The following NDUFA10 variants were observed in gnomAD, a reference collection of about 807,000 sequenced individuals.
The protein encoded by NDUFA10 is NADH dehydrogenase [ubiquinone] 1 alpha subcomplex subunit 10, mitochondrial.
Under a neutral mutation model 47.8 loss-of-function variants are expected in NDUFA10, and 40 were observed. The ratio of observed to expected loss-of-function variants is 0.84; its 90% confidence interval spans 0.65 to 1.09. NDUFA10 has a LOEUF of 1.09. Among genes scored for constraint, NDUFA10 ranks in the 50% least tolerant of loss-of-function variants. The probability of loss-of-function intolerance (pLI) is 0.00; values close to 1 mark genes in which losing one functional copy is unlikely to be tolerated. For synonymous variants in NDUFA10, 183 were observed against 172.2 expected (o/e 1.06, Z -0.49); for missense variants, 413 against 451.1 (o/e 0.92, Z 0.76).
intron 4 of NDUFA10, among the ~76,000 whole-genome samples, chr2:239,910,161 T>A (rs563867654): frequency 1.4e-3 from 208 of 152,298 alleles, no homozygotes; most frequent in African/African-American, 4.9e-3. Flanking sequence ...GTGTGGCGAT[T>A]CCTCAAAGAT....
At position 239,961,250 on chromosome 2, in the gene NDUFA10, G is replaced by A. The variant is rs1306630005; in HGVS notation, c.1000-64C>T. ...TGAATGAATGTTTCCCCAGCTCATAGTTCAATGTCTACCCGGCAGATGCCT... is the reference window on the plus strand; with the variant it reads ...TGAATGAATGTTTCCCCAGCTCATAATTCAATGTCTACCCGGCAGATGCCT... On this transcript the variant is annotated intron_variant, in intron 9 of 9. Transcript: ENST00000252711. 7 of 1,612,232 alleles carry A rather than the reference G, an allele frequency of 4.3e-6. No homozygotes were observed. In the Admixed American group the frequency reaches 8.4e-5, roughly 19 times the overall value.
At chr2:240,002,438 G>A (rs1466249714) in intron 8 of NDUFA10, among the ~76,000 whole-genome samples, 2 of 151,650 alleles carry the variant, frequency 1.3e-5, no homozygotes, top group Admixed American at 6.6e-5. Context: ...TTTCTAGAGA[G>A]CCAATCATTT....
intron 8 of NDUFA10, among the ~76,000 whole-genome samples, chr2:239,991,291 G>A (rs1014267851): frequency 1.3e-5 from 2 of 152,182 alleles, no homozygotes; most frequent in African/African-American, 4.8e-5. Flanking sequence ...TAAAAACCGC[G>A]TCGCTCATAC....
In NDUFA10 at chr2:239,997,203, G is replaced by C. The variant is rs565792851; in HGVS notation, c.891-7021C>G. On this transcript the variant is annotated intron_variant, in intron 8 of 9. Transcript: ENST00000252711. Reference sequence around the variant, plus strand: ...AAGTCAATAAGCTTAGGAATCTATAGAAAAAGAACAAGTGAAGCCTAAAGA... The same window carrying C: ...AAGTCAATAAGCTTAGGAATCTATACAAAAAGAACAAGTGAAGCCTAAAGA... Among the ~76,000 whole-genome samples, 76 of 151,806 alleles carry C rather than the reference G, an allele frequency of 5.0e-4. 1 individual carries two copies. In the South Asian group the frequency reaches 7.3e-3, roughly 15 times the overall value.
chr2:239,965,248 A>G (rs1024115594), intron 9 of NDUFA10, among the ~76,000 whole-genome samples: 3 of 151,782 alleles, frequency 2.0e-5, no homozygotes, highest in East Asian at 3.9e-4. Flanking sequence ...GATACCCAGG[A>G]GGGTTCTCAG....
intron 5 of NDUFA10, among the ~76,000 whole-genome samples, chr2:239,893,427 T>C (rs1428414785): frequency 6.6e-6 from 1 of 152,186 alleles, no homozygotes; most frequent in African/African-American, 2.4e-5. Context: ...TGTGTTGCTG[T>C]AACAAAATAC....
chr2:239,965,598 C>T (rs1221219499), intron 9 of NDUFA10, among the ~76,000 whole-genome samples: 2 of 152,178 alleles, frequency 1.3e-5, no homozygotes, highest in African/African-American at 2.4e-5. Flanking sequence ...TGCCCGGGTG[C>T]GTGACACCCA....
chr2:239,914,482 TAG>T (rs1693809110), intron 4 of NDUFA10, among the ~76,000 whole-genome samples: 1 of 127,722 alleles, frequency 7.8e-6, no homozygotes, highest in South Asian at 2.5e-4. Context: ...CACACAAATA[TAG>T]ACACACACAG....
intron 4 of NDUFA10, among the ~76,000 whole-genome samples, chr2:239,950,647 G>A (rs1694535980): frequency 1.3e-5 from 2 of 152,216 alleles, no homozygotes; most frequent in Admixed American, 1.3e-4. Context: ...CTGATTGAGC[G>A]GCTTCTTCCA....
chr2:240,017,453 A>C (rs984860565), intron 4 of NDUFA10, among the ~76,000 whole-genome samples: 1 of 152,128 alleles, frequency 6.6e-6, no homozygotes, highest in Admixed American at 6.5e-5. Context: ...AGCCGGTTAC[A>C]CATTTCTCCT....
At chr2:239,893,800 CTAGA>C (rs1270647228) in intron 5 of NDUFA10, among the ~76,000 whole-genome samples, 9 of 152,202 alleles carry the variant, frequency 5.9e-5, no homozygotes, top group Admixed American at 5.9e-4. Context: ...GGGAAGGTGC[CTAGA>C]TAAAGTCAGG....
intron 5 of NDUFA10, among the ~76,000 whole-genome samples, chr2:239,894,686 C>A (rs575032710): frequency 6.6e-6 from 1 of 152,302 alleles, no homozygotes; most frequent in South Asian, 2.1e-4. Context: ...CTGCATTCCT[C>A]CGTCTCTGTG....
At chr2:240,007,478 C>T (rs1696989739) in intron 6 of NDUFA10, 108 bp from the exon 7 acceptor site, 7 of 797,570 alleles carry the variant, frequency 8.8e-6, no homozygotes, top group Non-Finnish European at 1.1e-5. Context: ...TAAAACCTCA[C>T]ATTCTCTGCA....
intron 4 of NDUFA10, among the ~76,000 whole-genome samples, chr2:239,917,879 T>C (rs1024461819): frequency 2.6e-5 from 4 of 152,200 alleles, no homozygotes; most frequent in Non-Finnish European, 4.4e-5. Flanking sequence ...TCTGGGAAGA[T>C]GGCAGCTATG....
At chr2:239,986,677 G>C (rs1240076696) in intron 9 of NDUFA10, among the ~76,000 whole-genome samples, 1 of 152,178 alleles carries the variant, frequency 6.6e-6, no homozygotes, top group African/African-American at 2.4e-5. Flanking sequence ...CATACAGAAA[G>C]AACGATAGAA....
intron 4 of NDUFA10, among the ~76,000 whole-genome samples, chr2:239,940,321 G>A (rs1048374391): frequency 6.6e-6 from 1 of 152,250 alleles, no homozygotes; most frequent in Non-Finnish European, 1.5e-5. Context: ...CTGTGGCAAG[G>A]GAAGAGAGTG....
chr2:239,948,746 C>A (rs778448445), intron 4 of NDUFA10, among the ~76,000 whole-genome samples: 6 of 152,240 alleles, frequency 3.9e-5, no homozygotes, highest in Non-Finnish European at 8.8e-5. Context: ...AAATCCAGGC[C>A]TCCAGTGTCT....
intron 4 of NDUFA10, among the ~76,000 whole-genome samples, chr2:239,915,411 C>G (rs1304045551): frequency 1.8e-5 from 1 of 55,524 alleles, no homozygotes; most frequent in African/African-American, 1.5e-4. Flanking sequence ...ACAGAACACA[C>G]ACATACACAG....
intron 8 of NDUFA10, among the ~76,000 whole-genome samples, chr2:240,000,244 A>C (rs1696648540): frequency 6.6e-6 from 1 of 152,184 alleles, no homozygotes; most frequent in Non-Finnish European, 1.5e-5. Context: ...ATCCAGAAGA[A>C]GGCATCATTG....
Sources: allele counts gnomAD v4.1 joint callset (sites outside exome capture counted in the v4.1 genomes callset), GRCh38; gene constraint gnomAD v4.1.1; transcripts MANE v1.5; gene names NCBI Gene and HGNC (gene_info 2026-07-23, HGNC 2026-07-21).